TRMT11: variants seen among roughly 807,000 people sequenced by gnomAD.
TRMT11 encodes the protein tRNA methyltransferase 11.
TRMT11 carries 53 observed loss-of-function variants against 62.8 expected under a neutral mutation model. The observed-to-expected ratio is 0.84, with a 90% CI of 0.68 to 1.06. The LOEUF (loss-of-function observed/expected upper bound fraction) is 1.06, where lower values mean the gene tolerates loss of function less well. Among genes scored for constraint, TRMT11 ranks in the 50% least tolerant of loss-of-function variants. The probability of loss-of-function intolerance (pLI) is 0.00; values close to 1 mark genes in which losing one functional copy is unlikely to be tolerated. For missense variants in TRMT11, 556 were observed against 553.4 expected (o/e 1.00, Z -0.05); for synonymous variants, 188 against 190.3 (o/e 0.99, Z 0.10).
chr6:126,253,974 C>A, the TRMT11 span, among the ~76,000 whole-genome samples: 1 of 152,332 alleles, frequency 6.6e-6, no homozygotes, highest in East Asian at 1.9e-4. Context: ...TTGCCACCAC[C>A]ACATATTTCT....
At chr6:126,191,414 T>G (rs1778597970) in intron 1 of TRMT11, among the ~76,000 whole-genome samples, 1 of 151,860 alleles carries the variant, frequency 6.6e-6, no homozygotes, top group South Asian at 2.1e-4. Flanking sequence ...ATTATGTTAG[T>G]TATTTCCCTT....
the TRMT11 span, among the ~76,000 whole-genome samples, chr6:126,212,644 A>C: frequency 6.6e-6 from 1 of 152,030 alleles, no homozygotes; most frequent in African/African-American, 2.4e-5. Context: ...TTTCCTATAG[A>C]GTTGTTTGGG....
At chr6:126,151,173 T>C (rs980968119) in intron 21 of TRMT11, among the ~76,000 whole-genome samples, 1 of 152,232 alleles carries the variant, frequency 6.6e-6, no homozygotes, top group Non-Finnish European at 1.5e-5. Flanking sequence ...CTTTCATATA[T>C]TGTAAATGTA....
At chr6:126,143,138 G>T (rs1366723705) in intron 21 of TRMT11, among the ~76,000 whole-genome samples, 1 of 152,024 alleles carries the variant, frequency 6.6e-6, no homozygotes, top group Non-Finnish European at 1.5e-5. Flanking sequence ...TTCACCACAT[G>T]TATCCTTGGT....
chr6:126,193,708 T>C (rs1778632285), intron 1 of TRMT11, among the ~76,000 whole-genome samples: 1 of 151,806 alleles, frequency 6.6e-6, no homozygotes. Flanking sequence ...CTAGCCAGGA[T>C]GTTCTTGATC....
At chr6:126,068,375 A>G (rs1232132747) in intron 17 of TRMT11, among the ~76,000 whole-genome samples, 2 of 152,166 alleles carry the variant, frequency 1.3e-5, no homozygotes, top group African/African-American at 4.8e-5. Flanking sequence ...GTGAAGTTAC[A>G]TATAATCTCC....
chr6:126,196,504 T>C (rs1459971111), intron 1 of TRMT11, among the ~76,000 whole-genome samples: 1 of 152,028 alleles, frequency 6.6e-6, no homozygotes, highest in East Asian at 1.9e-4. Context: ...TTTTTAATAA[T>C]TTACAACTTT....
At chr6:126,253,086 T>C in the TRMT11 span, among the ~76,000 whole-genome samples, 1 of 146,952 alleles carries the variant, frequency 6.8e-6, no homozygotes, top group Non-Finnish European at 1.5e-5. Flanking sequence ...AGTTAAAATG[T>C]CTTTGGATTT....
the TRMT11 span, among the ~76,000 whole-genome samples, chr6:126,252,026 TTCTG>T: frequency 3.0e-4 from 45 of 152,374 alleles, no homozygotes; most frequent in African/African-American, 1.1e-3. Context: ...ATAATGCTTC[TTCTG>T]TCTATTGATT....
chr6:126,111,073 A>G (rs1177532799), intron 17 of TRMT11, among the ~76,000 whole-genome samples: 1 of 152,088 alleles, frequency 6.6e-6, no homozygotes, highest in Non-Finnish European at 1.5e-5. Flanking sequence ...GTTTGCAGCC[A>G]TTTCCAAGAA....
the TRMT11 span, among the ~76,000 whole-genome samples, chr6:126,249,770 A>G: frequency 1.5e-4 from 23 of 152,280 alleles, no homozygotes; most frequent in African/African-American, 5.3e-4. Flanking sequence ...AGTGAGATCT[A>G]GTTTTAACTG....
At chr6:126,068,423 A>G (rs1399130141) in intron 17 of TRMT11, among the ~76,000 whole-genome samples, 1 of 152,046 alleles carries the variant, frequency 6.6e-6, no homozygotes, top group Non-Finnish European at 1.5e-5. Flanking sequence ...TTTGCCTTTC[A>G]GGTTTGTTTA....
the TRMT11 span, among the ~76,000 whole-genome samples, chr6:126,216,141 A>G: frequency 6.6e-6 from 1 of 152,020 alleles, no homozygotes; most frequent in Non-Finnish European, 1.5e-5. Context: ...CAGATTGAAA[A>G]ACTTCCTTTA....
chr6:126,093,369 G>A (rs199943262), intron 17 of TRMT11, among the ~76,000 whole-genome samples: 31 of 151,106 alleles, frequency 2.1e-4, no homozygotes, highest in East Asian at 2.0e-4. Flanking sequence ...CATACTCTCC[G>A]GTTTCTACGT....
intron 12 of TRMT11, among the ~76,000 whole-genome samples, chr6:126,024,158 C>CA (rs1259107728): frequency 1.3e-5 from 2 of 152,184 alleles, no homozygotes; most frequent in East Asian, 3.8e-4. Flanking sequence ...AATATGTTTA[C>CA]AAAGCATTTT....
intron 17 of TRMT11, among the ~76,000 whole-genome samples, chr6:126,066,674 A>G (rs1483375287): frequency 6.6e-6 from 1 of 152,174 alleles, no homozygotes; most frequent in Admixed American, 6.5e-5. Context: ...GGACTGAGTT[A>G]TAACCCTGTA....
At chr6:126,151,780 T>TTTC (rs1562334640) in intron 21 of TRMT11, among the ~76,000 whole-genome samples, 2 of 123,844 alleles carry the variant, frequency 1.6e-5, no homozygotes, top group African/African-American at 6.7e-5. Flanking sequence ...CCTTTCACCC[T>TTTC]TTTCCTTCCT....
intron 11 of TRMT11, among the ~76,000 whole-genome samples, chr6:126,018,182 GC>G (rs1352198379): frequency 6.6e-6 from 1 of 152,124 alleles, no homozygotes; most frequent in Non-Finnish European, 1.5e-5. Flanking sequence ...CTAATAATGT[GC>G]CCCAAAGTAG....
chr6:126,182,206 A>T (rs1217694540), intron 1 of TRMT11, among the ~76,000 whole-genome samples: 1 of 152,192 alleles, frequency 6.6e-6, no homozygotes, highest in Non-Finnish European at 1.5e-5. Context: ...GGATGTAAAG[A>T]ATATGACTTT....
Sources: gnomAD v4.1 joint callset for allele counts (sites outside exome capture counted in the v4.1 genomes callset) on GRCh38, gnomAD v4.1.1 for gene constraint, MANE v1.5 for transcripts, NCBI Gene and HGNC (gene_info 2026-07-23, HGNC 2026-07-21) for gene names.